Variants in TXLNG observed in about 807,000 individuals in gnomAD.
TXLNG encodes gamma-taxilin.
Under a neutral mutation model 38.8 loss-of-function variants are expected in TXLNG, and 5 were observed. That is an observed-to-expected ratio of 0.13 (90% CI 0.07 to 0.27). The LOEUF (loss-of-function observed/expected upper bound fraction) is 0.27, where lower values mean the gene tolerates loss of function less well. TXLNG is among the 10% of genes least tolerant of loss of function. TXLNG has a pLI of 1.00. For synonymous variants in TXLNG, 182 were observed against 158.2 expected (o/e 1.15, Z -1.13); for missense variants, 393 against 398.2 (o/e 0.99, Z 0.11).
Position 16,786,694 on chromosome X carries a change from A to G in TXLNG, c.102+105A>G, listed in dbSNP as rs1418077779. 1.1e-5 allele frequency: 4 copies of G among 355,095 alleles called. No individual in the cohort carries two copies. In the Admixed American group the frequency reaches 3.9e-4, roughly 35 times the overall value. The allele number at this position is 355,095 out of a possible 1,213,427, so 29.3% of individuals were successfully genotyped here. On this transcript the variant is annotated intron_variant, in intron 1 of 9. Coordinates refer to ENST00000380122, the MANE Select transcript of TXLNG (RefSeq NM_018360.3). ...CTCCCTGGTTACCTATAGCCACGGGACGAACATCCGGTCTTCTTCCCTCCC... is the reference window on the plus strand; with the variant it reads ...CTCCCTGGTTACCTATAGCCACGGGGCGAACATCCGGTCTTCTTCCCTCCC...
rs1161895592 is a variant in TXLNG at position 16,829,746 on chromosome X, C to T, written c.840C>T (p.Ile280=). 15 of 1,210,003 alleles carry T rather than the reference C, an allele frequency of 1.2e-5. No homozygotes were observed. Among genetic ancestry groups the T allele is most frequent in the African/African-American group, 1.7e-5 (1 of 57,231 alleles). ...IELGEKLKKL[I]EQYALREEHI... ...TGGGGGAGAAGCTAAAGAAGCTCAT[C>T]GAACAGTACGCACTGAGGGAAGAGG... Residue 280 remains isoleucine (I), a synonymous_variant, in exon 5 of 10, where the codon ATC becomes ATT. Transcript: ENST00000380122.
chrX:16,827,127 G>A (rs2147489632), intron 3 of TXLNG, among the ~76,000 whole-genome samples: 1 of 111,058 alleles, frequency 9.0e-6, no homozygotes, highest in South Asian at 3.8e-4. Flanking sequence ...TACTCGGGAG[G>A]CTGAGGCAGG....
In TXLNG at chrX:16,843,995, G is replaced by C. The variant is rs752920788; in HGVS notation, c.*2229G>C. The C allele has an allele frequency of 9.0e-6, 1 of 111,579 alleles. No homozygotes were observed. Among genetic ancestry groups the C allele is most frequent in the South Asian group, 3.8e-4 (1 of 2,627 alleles). 9.2% of individuals were successfully genotyped at this position (111,579 alleles called of 1,213,427 possible). The stretch of plus-strand genomic sequence containing the variant: ...CGCACCCCGTATCTACCATATTCTA[G>C]AACACTGTAATGCTACTAGGCTGGC... On this transcript the variant is annotated 3_prime_UTR_variant, in exon 10 of 10. Coordinates refer to ENST00000380122, the MANE Select transcript of TXLNG (RefSeq NM_018360.3).
Position 16,799,866 on chromosome X carries a change from T to C in TXLNG, c.102+13277T>C, listed in dbSNP as rs184258047. On this transcript the variant is annotated intron_variant, in intron 1 of 9. Transcript: ENST00000380122. Reference sequence around the variant, plus strand: ...AGCCTTGAAGGTATTCTGTTAGCCATCTTGTGTGTTCCATTTATCTCACAT... The same window carrying C: ...AGCCTTGAAGGTATTCTGTTAGCCACCTTGTGTGTTCCATTTATCTCACAT... Among the ~76,000 whole-genome samples, 60 of 112,359 alleles carry C rather than the reference T, an allele frequency of 5.3e-4. 1 individual carries two copies. The East Asian group carries it at 0.015, about 29-fold the overall frequency.
chrX:16,791,144 T>C (rs1927687355), intron 1 of TXLNG, among the ~76,000 whole-genome samples: 1 of 111,975 alleles, frequency 8.9e-6, no homozygotes, highest in Non-Finnish European at 1.9e-5. Flanking sequence ...ATGGAAGAGA[T>C]TAATTTCTCT....
At chrX:16,794,751 G>T (rs1009940862) in intron 1 of TXLNG, among the ~76,000 whole-genome samples, 1 of 111,510 alleles carries the variant, frequency 9.0e-6, no homozygotes, top group Non-Finnish European at 1.9e-5. Context: ...AAGAGTCTGT[G>T]GCTTAAAGAT....
At chrX:16,841,285 C>CT in intron 9 of TXLNG, 143 bp from the exon 10 acceptor site, 1 of 485,284 alleles carries the variant, frequency 2.1e-6, no homozygotes. Flanking sequence ...TGCAGTCATG[C>CT]TAGCTAGCTA....
Position 16,829,691 on chromosome X carries a change from A to G in TXLNG, c.785A>G (p.Asn262Ser), listed in dbSNP as rs1486040969. 4.3e-5 allele frequency: 52 copies of G among 1,210,476 alleles called. No homozygotes were observed. Among genetic ancestry groups the G allele is most frequent in the Non-Finnish European group, 5.6e-5 (50 of 895,397 alleles). ...CAGCTGGAGCAGCATGACATCCACA[A>G]CGCCAAACTCCGACAGGAAAACATT... is the stretch of plus-strand genomic sequence containing the variant. ...QAQLEQHDIH[N>S]AKLRQENIEL... Residue 262 changes from asparagine (N) to serine (S), a missense_variant, in exon 5 of 10, where the codon AAC becomes AGC. By Grantham distance (46) the Asn-to-Ser change is conservative (BLOSUM62 1). Transcript: ENST00000380122.
chrX:16,793,417 C>T (rs968634187), intron 1 of TXLNG, among the ~76,000 whole-genome samples: 1 of 110,267 alleles, frequency 9.1e-6, no homozygotes, highest in African/African-American at 3.3e-5. Context: ...CCAAAACGTC[C>T]CTAGAATGAC....
At chrX:16,805,384 GCAGT>G (rs1928301567) in intron 1 of TXLNG, among the ~76,000 whole-genome samples, 1 of 111,181 alleles carries the variant, frequency 9.0e-6, no homozygotes, top group Admixed American at 9.6e-5. Flanking sequence ...TGTCTATGGA[GCAGT>G]CATTCTGCTG....
intron 3 of TXLNG, among the ~76,000 whole-genome samples, chrX:16,827,845 ATTTT>A (rs1028336359): frequency 9.0e-6 from 1 of 111,399 alleles, no homozygotes; most frequent in Non-Finnish European, 1.9e-5. Flanking sequence ...TGTCTAAAGG[ATTTT>A]TTTTTAAAAA....
rs1929241346 is a variant in TXLNG, at chrX:16,828,232, A to G, written c.637A>G (p.Arg213Gly). The G allele has an allele frequency of 8.3e-7, 1 of 1,209,049 alleles. No homozygotes were observed. The highest frequency in any genetic ancestry group is 1.7e-5 in the African/African-American group (1 of 57,808). Residue 213 changes from arginine to glycine, a missense_variant, in exon 4 of 10, where the codon AGA becomes GGA. Transcript: ENST00000380122. ...LARSKLESLC[R>G]ELQRHNKTLK... is the part of the protein sequence containing the mutation. ...AAGAAGCAAGCTAGAATCTCTTTGC[A>G]GAGAACTTCAGCGTCACAATAAGAC...
intron 1 of TXLNG, among the ~76,000 whole-genome samples, chrX:16,789,635 A>G (rs1927630557): frequency 9.6e-6 from 1 of 104,540 alleles, no homozygotes. Flanking sequence ...CATCAGGCTC[A>G]TTCGTTTTAC....
intron 1 of TXLNG, among the ~76,000 whole-genome samples, chrX:16,802,426 T>A (rs1287153259): frequency 1.8e-5 from 2 of 109,547 alleles, no homozygotes; most frequent in African/African-American, 6.7e-5. Flanking sequence ...AATTTTTGTA[T>A]TTTTAGTAGA....
rs1158712900 is a variant in TXLNG, at chrX:16,834,223, G to C, written c.985-60G>C. On this transcript the variant is annotated intron_variant, in intron 6 of 9. Transcript: ENST00000380122. ...GGATGAAGCCTAACTCTGATCATTT[G>C]ATATTTAGTCCTGCTTGTAATTACC... 5.2e-6 allele frequency: 5 copies of C among 968,247 alleles called. No homozygotes were observed. In the African/African-American group the frequency reaches 9.6e-5, roughly 19 times the overall value. 79.8% of individuals were successfully genotyped at this position (968,247 alleles called of 1,213,427 possible).
chrX:16,840,913 A>T (rs954291913), intron 9 of TXLNG, among the ~76,000 whole-genome samples: 8 of 110,271 alleles, frequency 7.3e-5, no homozygotes, highest in Non-Finnish European at 9.5e-5. Flanking sequence ...GAAATGTCTT[A>T]AAAAGTTTAT....
At position 16,837,308 on chromosome X, in the gene TXLNG, G is replaced by A. The variant is rs1042470307; in HGVS notation, c.1060-285G>A. Among the ~76,000 whole-genome samples, 22 of 111,687 alleles carry A rather than the reference G, an allele frequency of 2.0e-4. No homozygotes were observed. The Admixed American group carries it at 2.0e-3, about 10-fold the overall frequency. ...CTTGGCAGGAGAGGGGTAGTTGGGC[G>A]AGCACTCCACATGCATGACGTTTAT... On this transcript the variant is annotated intron_variant, in intron 7 of 9. Transcript: ENST00000380122.
intron 1 of TXLNG, among the ~76,000 whole-genome samples, chrX:16,799,828 T>TC (rs1928021016): frequency 8.9e-6 from 1 of 112,310 alleles, no homozygotes; most frequent in African/African-American, 3.2e-5. Context: ...TTCCTTTTTT[T>TC]CACTCAGAAC....
rs1166164577 is a variant in TXLNG at position 16,842,156 on chromosome X, C to T, written c.*390C>T. On this transcript the variant is annotated 3_prime_UTR_variant, in exon 10 of 10. Coordinates refer to ENST00000380122, the MANE Select transcript of TXLNG (RefSeq NM_018360.3). ...TATTAATTTAAACGTCTTAGCCCCC[C>T]CCCCCATAATATTATTCAGAAAAAC... is the stretch of plus-strand genomic sequence containing the variant. 9 of 111,237 alleles carry T rather than the reference C, an allele frequency of 8.1e-5. 2 individuals are homozygous for T. The Admixed American group carries it at 8.9e-4, about 11-fold the overall frequency. The allele number at this position is 111,237 out of a possible 1,213,427, so 9.2% of individuals were successfully genotyped here.
Sources: gnomAD v4.1 joint callset for allele counts (sites outside exome capture counted in the v4.1 genomes callset) on GRCh38, gnomAD v4.1.1 for gene constraint, MANE v1.5 for transcripts, NCBI Gene and HGNC (gene_info 2026-07-23, HGNC 2026-07-21) for gene names.